Variants in NRP1 observed in about 807,000 individuals in gnomAD.
NRP1 encodes neuropilin-1.
In NRP1, 35 loss-of-function variants were observed where a neutral mutation model predicts 106.7. The ratio of observed to expected loss-of-function variants is 0.33; its 90% CI spans 0.25 to 0.43. The LOEUF (loss-of-function observed/expected upper bound fraction) is 0.43. Ranked by LOEUF, NRP1 falls within the 20% of genes least tolerant of loss-of-function variation. NRP1 has a pLI of 1.00. For synonymous variants in NRP1, 437 were observed against 417.9 expected (o/e 1.05, Z -0.56); for missense variants, 1,024 against 1,170.4 (o/e 0.87, Z 1.83).
intron 2 of NRP1, among the ~76,000 whole-genome samples, chr10:33,283,341 G>A (rs1032423611): frequency 1.1e-4 from 17 of 152,184 alleles, no homozygotes; most frequent in African/African-American, 2.6e-4. Flanking sequence ...GTACTTGTCC[G>A]TTTTCTTTTT....
At chr10:33,290,850 T>C (rs1280266257) in intron 2 of NRP1, among the ~76,000 whole-genome samples, 1 of 152,166 alleles carries the variant, frequency 6.6e-6, no homozygotes, top group Non-Finnish European at 1.5e-5. Flanking sequence ...GAGAGGAAGT[T>C]GGGCCTCAAG....
intron 8 of NRP1, among the ~76,000 whole-genome samples, chr10:33,217,234 C>G (rs1164953095): frequency 4.6e-5 from 7 of 152,120 alleles, no homozygotes; most frequent in Non-Finnish European, 1.0e-4. Context: ...AGAACCGTCA[C>G]CAGATTAATG....
chr10:33,258,414 T>C (rs1166081475), intron 4 of NRP1, among the ~76,000 whole-genome samples: 1 of 152,196 alleles, frequency 6.6e-6, no homozygotes, highest in African/African-American at 2.4e-5. Context: ...TTTCTCTCTG[T>C]TGCAACCCCT....
At chr10:33,286,166 T>C (rs1305790729) in intron 2 of NRP1, among the ~76,000 whole-genome samples, 1 of 152,254 alleles carries the variant, frequency 6.6e-6, no homozygotes, top group African/African-American at 2.4e-5. Context: ...ACTCATTTAT[T>C]AGACTGACAC....
chr10:33,329,997 T>C (rs1024047655), intron 2 of NRP1, among the ~76,000 whole-genome samples: 2 of 152,208 alleles, frequency 1.3e-5, no homozygotes, highest in Non-Finnish European at 2.9e-5. Context: ...TGGGCATAAG[T>C]TGATGTTTAG....
intron 2 of NRP1, among the ~76,000 whole-genome samples, chr10:33,330,032 C>T (rs931264274): frequency 6.6e-6 from 1 of 152,160 alleles, no homozygotes; most frequent in East Asian, 1.9e-4. Flanking sequence ...AAAGAGATAG[C>T]AAGACTAAGC....
chr10:33,299,089 A>C (rs184636414), intron 2 of NRP1, among the ~76,000 whole-genome samples: 23 of 152,294 alleles, frequency 1.5e-4, no homozygotes, highest in African/African-American at 5.3e-4. Flanking sequence ...TAAATGAGGC[A>C]TGATGAGGTT....
intron 6 of NRP1, 59 bp from the exon 7 acceptor site, chr10:33,226,348 C>T (rs966446520): frequency 1.3e-6 from 2 of 1,580,534 alleles, no homozygotes; most frequent in African/African-American, 2.7e-5. Flanking sequence ...TAACCCAAAG[C>T]ATCTTTTCCT....
chr10:33,206,329 C>T (rs1837776223), intron 10 of NRP1: 1 of 518,860 alleles, frequency 1.9e-6, no homozygotes, highest in African/African-American at 1.9e-5. Context: ...GGCACATGGA[C>T]ATTCTTGGTC....
intron 16 of NRP1, among the ~76,000 whole-genome samples, chr10:33,181,916 A>G (rs1030300024): frequency 6.6e-6 from 1 of 152,158 alleles, no homozygotes; most frequent in Non-Finnish European, 1.5e-5. Flanking sequence ...CCTGGGCAAC[A>G]TGGTGAAACT....
intron 2 of NRP1, among the ~76,000 whole-genome samples, chr10:33,327,422 T>C (rs1042542995): frequency 6.6e-6 from 1 of 152,116 alleles, no homozygotes; most frequent in Admixed American, 6.6e-5. Context: ...AGGAAAAATA[T>C]TAAATGTCTT....
intron 2 of NRP1, among the ~76,000 whole-genome samples, chr10:33,292,549 T>A (rs1845076524): frequency 6.6e-6 from 1 of 152,232 alleles, no homozygotes; most frequent in South Asian, 2.1e-4. Flanking sequence ...GACCACATGC[T>A]GACCTTGACA....
chr10:33,292,898 A>G (rs965867169), intron 2 of NRP1, among the ~76,000 whole-genome samples: 3 of 151,580 alleles, frequency 2.0e-5, no homozygotes, highest in African/African-American at 7.3e-5. Context: ...AGCCTGGAGA[A>G]TTGCCTGAAC....
chr10:33,212,975 A>G (rs1588736148), intron 9 of NRP1: 1 of 475,626 alleles, frequency 2.1e-6, no homozygotes. Flanking sequence ...CTGGCCCACA[A>G]TAAAAATTTA....
intron 2 of NRP1, among the ~76,000 whole-genome samples, chr10:33,317,907 G>A (rs1348569994): frequency 6.6e-6 from 1 of 152,200 alleles, no homozygotes; most frequent in Non-Finnish European, 1.5e-5. Flanking sequence ...GTGTGTATGT[G>A]CAGTGCCTTG....
chr10:33,275,033 T>C (rs764366357), intron 2 of NRP1, among the ~76,000 whole-genome samples: 6 of 152,334 alleles, frequency 3.9e-5, no homozygotes, highest in Non-Finnish European at 5.9e-5. Flanking sequence ...TCCAGAGTAT[T>C]AGAAACAGGA....
At chr10:33,209,194 C>A (rs892062548) in intron 9 of NRP1, among the ~76,000 whole-genome samples, 2 of 151,124 alleles carry the variant, frequency 1.3e-5, no homozygotes, top group African/African-American at 4.9e-5. Flanking sequence ...GGCGTGAACC[C>A]CCATGCCTGG....
chr10:33,307,750 C>G (rs1846274474), intron 2 of NRP1, among the ~76,000 whole-genome samples: 1 of 151,922 alleles, frequency 6.6e-6, no homozygotes, highest in African/African-American at 2.4e-5. Flanking sequence ...TGAAAATGTC[C>G]TAAATATTCT....
intron 2 of NRP1, among the ~76,000 whole-genome samples, chr10:33,276,600 G>C (rs1484225722): frequency 2.6e-5 from 4 of 152,260 alleles, no homozygotes; most frequent in Middle Eastern, 3.4e-3. Flanking sequence ...CACTTTTTAT[G>C]CTTTTAATAT....
Sources: allele counts gnomAD v4.1 joint callset (sites outside exome capture counted in the v4.1 genomes callset), GRCh38; gene constraint gnomAD v4.1.1; transcripts MANE v1.5; gene names NCBI Gene and HGNC (gene_info 2026-07-23, HGNC 2026-07-21).